The following LITAF variants were observed in gnomAD, a reference collection of about 807,000 sequenced individuals.
LITAF encodes lipopolysaccharide-induced tumor necrosis factor-alpha factor.
In LITAF, 9 loss-of-function variants were observed where a neutral mutation model predicts 14.5. That is an observed-to-expected ratio of 0.62 (90% CI 0.37 to 1.08). The LOEUF (loss-of-function observed/expected upper bound fraction) is 1.08. LITAF is among the 50% of genes least tolerant of loss of function. The pLI, the probability that LITAF is intolerant of heterozygous loss-of-function variation, is 0.01. For synonymous variants in LITAF, 98 were observed against 88.2 expected (o/e 1.11, Z -0.62); for missense variants, 206 against 213.4 (o/e 0.97, Z 0.22).
chr16:11,547,807 C>A lies in LITAF; in HGVS notation c.*1830G>T. 2.2e-6 allele frequency: 1 copy of A among 454,076 alleles called. No homozygotes were observed. Among genetic ancestry groups the A allele is most frequent in the South Asian group, 1.6e-5 (1 of 64,476 alleles). 28.1% of individuals were successfully genotyped at this position (454,076 alleles called of 1,614,324 possible). A position where few individuals can be genotyped will look rare whatever the true frequency, so the allele number is the denominator to read the frequency against. On this transcript the variant is annotated 3_prime_UTR_variant, in exon 4 of 4. Coordinates refer to ENST00000622633, the MANE Select transcript of LITAF (RefSeq NM_001136472.2). ...TATTGGGTTCCAATAGCCTCATGTT[C>A]AAATCTGACTCGTTAGCAAATCCAC... is the stretch of plus-strand genomic sequence containing the variant.
chr16:11,561,335 C>T (rs996086678), intron 1 of LITAF: 2 of 152,238 alleles, frequency 1.3e-5, no homozygotes, highest in Non-Finnish European at 2.9e-5. Context: ...GAAACTGCAT[C>T]TTTACAGAGT....
chr16:11,574,640 C>A (rs1024805585), intron 1 of LITAF, among the ~76,000 whole-genome samples: 6 of 152,206 alleles, frequency 3.9e-5, no homozygotes, highest in Admixed American at 3.9e-4. Flanking sequence ...TCATCACAGC[C>A]CTTTGTGTTC....
At chr16:11,638,062 A>C (rs1471071623), upstream of LITAF, among the ~76,000 whole-genome samples, 42 of 104,976 alleles carry the variant, frequency 4.0e-4, 3 homozygotes, top group African/African-American at 1.8e-3. Flanking sequence ...ATCTATATAT[A>C]TATCTATATA....
chr16:11,578,656 A>G (rs972450072), intron 1 of LITAF, among the ~76,000 whole-genome samples: 1 of 152,184 alleles, frequency 6.6e-6, no homozygotes, highest in Non-Finnish European at 1.5e-5. Context: ...AACATCTGCA[A>G]TGTCATGTGC....
chr16:11,623,162 T>C (rs901510719), intron 3 of LITAF, among the ~76,000 whole-genome samples: 1 of 151,310 alleles, frequency 6.6e-6, no homozygotes, highest in Admixed American at 6.6e-5. Context: ...CGGGTTTCAC[T>C]GTGTTAGCCA....
rs1212472785 is a variant in LITAF at position 11,579,604 on chromosome 16, C to T, written c.-6+7282G>A. ...AGGACATCAGTGGGAGAACTGGGAA[C>T]TCCAGATAAAGTCTGGAGTTTGGTG... is the stretch of plus-strand genomic sequence containing the variant. On this transcript the variant is annotated intron_variant, in intron 1 of 3. Transcript: ENST00000622633. Among the ~76,000 whole-genome samples, 3 of 152,150 alleles carry T rather than the reference C, an allele frequency of 2.0e-5. 1 individual carries two copies. Among genetic ancestry groups the T allele is most frequent in the Non-Finnish European group, 4.4e-5 (3 of 68,028 alleles).
intron 1 of LITAF, among the ~76,000 whole-genome samples, chr16:11,594,882 A>AT (rs1567257863): frequency 1.1e-5 from 1 of 88,152 alleles, no homozygotes; most frequent in Non-Finnish European, 2.2e-5. Flanking sequence ...TCTCAAAAAA[A>AT]TAAAAAAAAA....
intron 3 of LITAF, among the ~76,000 whole-genome samples, chr16:11,631,213 A>AC (rs745433977): frequency 6.6e-6 from 1 of 152,154 alleles, no homozygotes; most frequent in Non-Finnish European, 1.5e-5. Flanking sequence ...TTATCACATC[A>AC]CCACAAACTG....
chr16:11,614,990 C>T (rs12444013), intron 3 of LITAF, among the ~76,000 whole-genome samples: 25,716 of 152,154 alleles, frequency 0.17, 2,816 homozygotes, highest in Non-Finnish European at 0.25. Context: ...GTCTGAGTGC[C>T]TCACTCACAG....
Position 11,634,334 on chromosome 16 carries a change from C to T in LITAF, c.-20-697G>A, listed in dbSNP as rs1462926073. 1.3e-5 allele frequency among the ~76,000 whole-genome samples: 2 copies of T among 152,154 alleles called. No individual in the cohort carries two copies. Among genetic ancestry groups the T allele is most frequent in the Non-Finnish European group, 2.9e-5 (2 of 68,048 alleles). ...AAGTGATACTTTTGTTTTTAGTGTA[C>T]AGTTTAATGATAATGATTCCCTTCC... On this transcript the variant is annotated intron_variant, in intron 2 of 3. Coordinates refer to the LITAF transcript ENST00000574848. This position sits in a 1 kb window ranked among gnomAD's most constrained non-coding sequence, Gnocchi z 4.1.
rs1555469756 is a variant in LITAF, at chr16:11,576,554, A to AAAAAAC, written c.-6+10331_-6+10332insGTTTTT. Among the ~76,000 whole-genome samples, 38 of 116,614 alleles carry AAAAAAC rather than the reference A, an allele frequency of 3.3e-4. 1 individual carries two copies. The highest frequency in any genetic ancestry group is 4.0e-4 in the Non-Finnish European group (23 of 57,368). 76.5% of individuals were successfully genotyped at this position (116,614 alleles called of 152,430 possible). A position where few individuals can be genotyped will look rare whatever the true frequency, so the allele number is the denominator to read the frequency against. On this transcript the variant is annotated intron_variant, in intron 1 of 3. Transcript: ENST00000622633. Reference sequence around the variant, plus strand: ...ATCTGCAAAAAAAAAAAAAAAAAAAAAGAGAGAGAGAAAGAGAAAAAGAGA... The same window carrying AAAAAAC: ...ATCTGCAAAAAAAAAAAAAAAAAAAAAAAAACAGAGAGAGAGAAAGAGAAAAAGAGA...
At chr16:11,592,026 G>A (rs2064850054), upstream of LITAF, among the ~76,000 whole-genome samples, 1 of 152,192 alleles carries the variant, frequency 6.6e-6, no homozygotes, top group African/African-American at 2.4e-5. Context: ...AAATCTTCAT[G>A]ACCTTGGATC....
intron 3 of LITAF, among the ~76,000 whole-genome samples, chr16:11,606,624 C>T (rs1000294460): frequency 6.6e-6 from 1 of 151,862 alleles, no homozygotes; most frequent in Admixed American, 6.6e-5. Flanking sequence ...GGTCTGGAAC[C>T]AAAACCATAG....
intron 1 of LITAF, among the ~76,000 whole-genome samples, chr16:11,595,177 T>C (rs2064875389): frequency 6.6e-6 from 1 of 152,142 alleles, no homozygotes; most frequent in African/African-American, 2.4e-5. Flanking sequence ...GTTTCCCACA[T>C]ACATCACACG....
At chr16:11,565,565 C>T (rs1433636268) in intron 1 of LITAF, among the ~76,000 whole-genome samples, 2 of 152,134 alleles carry the variant, frequency 1.3e-5, no homozygotes, top group East Asian at 1.9e-4. Context: ...TTCAGTCCAT[C>T]CCGGGCCCGT....
chr16:11,556,019 G>A (rs754563804), intron 2 of LITAF, among the ~76,000 whole-genome samples: 4 of 152,172 alleles, frequency 2.6e-5, no homozygotes, highest in African/African-American at 4.8e-5. Flanking sequence ...ACCCTTGGGC[G>A]GAAGGAAGCA....
chr16:11,626,055 A>G (rs1167997133), intron 3 of LITAF, among the ~76,000 whole-genome samples: 1 of 152,144 alleles, frequency 6.6e-6, no homozygotes, highest in Non-Finnish European at 1.5e-5. Context: ...ATTTCTCAGG[A>G]GTTCCAGAGA....
At chr16:11,628,222 A>G (rs2065096261) in intron 3 of LITAF, among the ~76,000 whole-genome samples, 1 of 152,096 alleles carries the variant, frequency 6.6e-6, no homozygotes, top group African/African-American at 2.4e-5. Context: ...GACTCATCCC[A>G]GCCCCAACCA....
Position 11,549,813 on chromosome 16 carries a change from C to T in LITAF, c.378-68G>A. On this transcript the variant is annotated intron_variant, in intron 3 of 3. Transcript: ENST00000622633. The surrounding 1 kb of genome is among the most constrained non-coding windows in gnomAD (Gnocchi z 4.6). The stretch of plus-strand genomic sequence containing the variant: ...ACAGGGTGAACACTGGCTGCCAAAA[C>T]CATGTTCATGTCCTTCTTTGTAAAA... The T allele has an allele frequency of 8.2e-7, 1 of 1,221,384 alleles. No homozygotes were observed. The highest frequency in any genetic ancestry group is 1.2e-6 in the Non-Finnish European group (1 of 841,434). The allele number at this position is 1,221,384 out of a possible 1,614,324, so 75.7% of individuals were successfully genotyped here.
Sources: gnomAD v4.1 joint callset for allele counts (sites outside exome capture counted in the v4.1 genomes callset) on GRCh38, gnomAD v4.1.1 for gene constraint, Gnocchi (gnomAD v3.1) non-coding constraint, MANE v1.5 for transcripts, NCBI Gene and HGNC (gene_info 2026-07-23, HGNC 2026-07-21) for gene names.